MKLN1: variants seen among roughly 807,000 people sequenced by gnomAD.
MKLN1 encodes the protein muskelin 1.
MKLN1 carries 18 observed loss-of-function variants against 99.0 expected under a neutral mutation model. That is an observed-to-expected ratio of 0.18 (90% CI 0.13 to 0.27). The LOEUF is 0.27. Ranked by LOEUF, MKLN1 falls within the 10% of genes least tolerant of loss-of-function variation. The pLI, the probability that MKLN1 is intolerant of heterozygous loss-of-function variation, is 1.00. For synonymous variants in MKLN1, 288 were observed against 293.2 expected (o/e 0.98, Z 0.18); for missense variants, 621 against 875.9 (o/e 0.71, Z 3.67).
chr7:131,362,372 G>A (rs1800055828), intron 1 of MKLN1, among the ~76,000 whole-genome samples: 1 of 151,992 alleles, frequency 6.6e-6, no homozygotes, highest in Non-Finnish European at 1.5e-5. Flanking sequence ...TGTAGCTGTT[G>A]TAAGGTTTTT....
At chr7:131,326,543 C>A (rs934362504), upstream of MKLN1, among the ~76,000 whole-genome samples, 1 of 152,120 alleles carries the variant, frequency 6.6e-6, no homozygotes. Context: ...CGGGGTTTCA[C>A]CATGTTGGCC....
At chr7:131,349,255 G>T (rs1799650327) in intron 1 of MKLN1, among the ~76,000 whole-genome samples, 1 of 151,826 alleles carries the variant, frequency 6.6e-6, no homozygotes. Context: ...GAGTACAGTG[G>T]CACGATCTCG....
intron 3 of MKLN1, among the ~76,000 whole-genome samples, chr7:131,213,022 C>A (rs1445164833): frequency 6.6e-6 from 1 of 151,886 alleles, no homozygotes; most frequent in East Asian, 1.9e-4. Flanking sequence ...CATTTGAGGC[C>A]CCTTACCTAC....
chr7:131,346,068 A>G (rs532380372), intron 1 of MKLN1, among the ~76,000 whole-genome samples: 11 of 152,252 alleles, frequency 7.2e-5, no homozygotes, highest in Non-Finnish European at 1.2e-4. Context: ...GTAAAATTAC[A>G]TTTACATTTT....
chr7:131,478,388 T>G (rs1195704458), intron 16 of MKLN1: 4 of 400,406 alleles, frequency 1.0e-5, no homozygotes, highest in Non-Finnish European at 1.7e-5. Flanking sequence ...AATAAAATAA[T>G]TCCAGGACAT....
intron 3 of MKLN1, among the ~76,000 whole-genome samples, chr7:131,281,684 CT>C (rs979897456): frequency 6.7e-6 from 1 of 149,712 alleles, no homozygotes; most frequent in Admixed American, 6.7e-5. Flanking sequence ...TGCCATATTT[CT>C]TTTCTTTTTT....
At position 131,378,125 on chromosome 7, in the gene MKLN1, T is replaced by C. The variant is rs112730595; in HGVS notation, c.168+2632T>C. Among the ~76,000 whole-genome samples, 845 of 152,348 alleles carry C rather than the reference T, an allele frequency of 5.5e-3. 10 individuals carry two copies. The highest frequency in any genetic ancestry group is 0.019 in the African/African-American group (809 of 41,580). ...TTATTTTTTATTTGTTTATTTATTT[T>C]TTTGAGACCGAATTTTGCTCTTGTC... On this transcript the variant is annotated intron_variant, in intron 2 of 17. Transcript: ENST00000352689.
chr7:131,131,842 T>C (rs1419490268), intron 1 of MKLN1, among the ~76,000 whole-genome samples: 1 of 152,204 alleles, frequency 6.6e-6, no homozygotes, highest in African/African-American at 2.4e-5. Context: ...CAACATTTAT[T>C]GAGAACTTAC....
At chr7:131,451,186 A>G (rs1179320416) in intron 12 of MKLN1, among the ~76,000 whole-genome samples, 1 of 152,238 alleles carries the variant, frequency 6.6e-6, no homozygotes, top group Non-Finnish European at 1.5e-5. Context: ...ATTCTTAGAA[A>G]ACACCAATTT....
chr7:131,237,094 T>A (rs1797333905), intron 3 of MKLN1, among the ~76,000 whole-genome samples: 1 of 152,210 alleles, frequency 6.6e-6, no homozygotes, highest in African/African-American at 2.4e-5. Flanking sequence ...TATGCCTGAT[T>A]TTCTCTTTTC....
intron 2 of MKLN1, among the ~76,000 whole-genome samples, chr7:131,156,200 A>G (rs1795960992): frequency 6.6e-6 from 1 of 152,126 alleles, no homozygotes; most frequent in Non-Finnish European, 1.5e-5. Context: ...ACAATAGTTT[A>G]TCATGATTTT....
At chr7:131,399,551 C>T (rs191546723) in intron 6 of MKLN1, 118 bp downstream of exon 6, 19 of 801,064 alleles carry the variant, frequency 2.4e-5, no homozygotes, top group Admixed American at 1.1e-4. Flanking sequence ...GTTTTTTACT[C>T]GGTTAAAGAT....
intron 3 of MKLN1, among the ~76,000 whole-genome samples, chr7:131,308,795 A>G (rs1301035007): frequency 6.6e-6 from 1 of 151,880 alleles, no homozygotes; most frequent in African/African-American, 2.4e-5. Flanking sequence ...ATGTTAGTCA[A>G]GCTGGCTGCC....
intron 3 of MKLN1, among the ~76,000 whole-genome samples, chr7:131,267,744 T>C (rs191033327): frequency 4.4e-4 from 67 of 152,356 alleles, no homozygotes; most frequent in Admixed American, 2.7e-3. Context: ...AGCATATCTT[T>C]ATTTATTGTC....
At position 131,400,613 on chromosome 7, in the gene MKLN1, G is replaced by T. The variant is rs1287002424; in HGVS notation, c.703+1180G>T. On this transcript the variant is annotated intron_variant, in intron 6 of 17. Transcript: ENST00000352689. ...TGAGGGAGGCATAGGTAATTTTAGG[G>T]CTTTTTTGTTTGTTTCAGATATTTA... Among the ~76,000 whole-genome samples, 2 of 150,238 alleles carry T rather than the reference G, an allele frequency of 1.3e-5. 1 individual carries two copies. Among genetic ancestry groups the T allele is most frequent in the South Asian group, 4.2e-4 (2 of 4,780 alleles).
chr7:131,147,364 G>C (rs1795830626), intron 2 of MKLN1, among the ~76,000 whole-genome samples: 1 of 151,898 alleles, frequency 6.6e-6, no homozygotes, highest in Non-Finnish European at 1.5e-5. Context: ...AGCCGTTGAT[G>C]ATGTCTTAAA....
intron 1 of MKLN1, among the ~76,000 whole-genome samples, chr7:131,354,613 T>A (rs969243271): frequency 6.6e-6 from 1 of 152,084 alleles, no homozygotes; most frequent in Non-Finnish European, 1.5e-5. Flanking sequence ...GGTTGCATCA[T>A]TGTTTAGTTG....
chr7:131,360,568 A>G (rs905690347), intron 1 of MKLN1, among the ~76,000 whole-genome samples: 1 of 152,180 alleles, frequency 6.6e-6, no homozygotes, highest in African/African-American at 2.4e-5. Flanking sequence ...ACCTAATATC[A>G]GAGTATTTCC....
At chr7:131,162,588 T>C (rs1027743344) in intron 2 of MKLN1, among the ~76,000 whole-genome samples, 1 of 152,218 alleles carries the variant, frequency 6.6e-6, no homozygotes, top group African/African-American at 2.4e-5. Flanking sequence ...GCCATGTGTA[T>C]AATATGTATA....
Sources: gnomAD v4.1 joint callset for allele counts (sites outside exome capture counted in the v4.1 genomes callset) on GRCh38, gnomAD v4.1.1 for gene constraint, MANE v1.5 for transcripts, NCBI Gene and HGNC (gene_info 2026-07-23, HGNC 2026-07-21) for gene names.